The following COL11A1 variants were observed in gnomAD, a reference collection of about 807,000 sequenced individuals.
COL11A1 encodes collagen type XI alpha 1 chain.
COL11A1 carries 74 observed loss-of-function variants against 265.2 expected under a neutral mutation model. That is an observed-to-expected ratio of 0.28 (90% CI 0.23 to 0.34). COL11A1 has a LOEUF of 0.34. Among genes scored for constraint, COL11A1 ranks in the 10% least tolerant of loss-of-function variants. The probability of loss-of-function intolerance (pLI) is 1.00; values close to 1 mark genes in which losing one functional copy is unlikely to be tolerated. For synonymous variants in COL11A1, 816 were observed against 727.6 expected (o/e 1.12, Z -1.96); for missense variants, 2,165 against 2,263.6 (o/e 0.96, Z 0.88).
In COL11A1 at chr1:103,052,687, C is replaced by T. The variant is rs1318176955; in HGVS notation, c.652-21443G>A. Among the ~76,000 whole-genome samples the T allele has an allele frequency of 7.2e-5, 11 of 152,268 alleles. No homozygotes were observed. The East Asian group carries it at 2.1e-3, about 29-fold the overall frequency. On this transcript the variant is annotated intron_variant, in intron 4 of 66. Transcript: ENST00000370096. ...CTTTTGAATAACATATGCTATCTTACAGCTTTCCCAACCCTTTATTCTCCC... is the reference window on the plus strand; with the variant it reads ...CTTTTGAATAACATATGCTATCTTATAGCTTTCCCAACCCTTTATTCTCCC...
chr1:102,972,977 TG>T (rs1345587774), intron 36 of COL11A1, among the ~76,000 whole-genome samples: 1 of 152,086 alleles, frequency 6.6e-6, no homozygotes, highest in Non-Finnish European at 1.5e-5. Context: ...TATATATGTC[TG>T]TGTGAATATA....
At chr1:102,934,097 G>T (rs1052511869) in intron 46 of COL11A1, among the ~76,000 whole-genome samples, 2 of 152,140 alleles carry the variant, frequency 1.3e-5, no homozygotes, top group African/African-American at 4.8e-5. Flanking sequence ...TTCCTATTCG[G>T]CCATCTTGGC....
rs975084437 is a variant in COL11A1, at chr1:102,965,522, C to T, written c.2881G>A (p.Gly961Ser). 8 of 1,613,528 alleles carry T rather than the reference C, an allele frequency of 5.0e-6. No individual in the cohort carries two copies. Among genetic ancestry groups the T allele is most frequent in the Admixed American group, 1.7e-5 (1 of 60,014 alleles). Residue 961 changes from glycine (G) to serine (S), a missense_variant, in exon 38 of 67, where the codon GGC becomes AGC. Gly to Ser is a moderately conservative substitution (Grantham distance 56). Transcript: ENST00000370096. ...ACCACTCCCCCTGGCCCAGGAGGGC[C>T]GGTCTTGCCTTGAAATCCCTAAGGA... is the stretch of plus-strand genomic sequence containing the variant. ...RGETGFQGKT[G>S]PPGPGGVVGP...
At chr1:103,106,068 C>T (rs79559754) in intron 1 of COL11A1, among the ~76,000 whole-genome samples, 1,773 of 152,146 alleles carry the variant, frequency 0.012, 34 homozygotes, top group African/African-American at 0.041. Flanking sequence ...GTTGTTTTCC[C>T]ACCATTTATT....
rs748226378 is a variant in COL11A1, at chr1:103,082,791, T to C, written c.274+14A>G. ...TTAGTAATAATAACAATAATAATAA[T>C]AAAGTGAATATACCTGGAAATAACT... On this transcript the variant is annotated intron_variant, in intron 2 of 66. Coordinates refer to ENST00000370096, the MANE Select transcript of COL11A1 (RefSeq NM_001854.4). The C allele has an allele frequency of 6.2e-7, 1 of 1,603,788 alleles. No individual in the cohort carries two copies. The highest frequency in any genetic ancestry group is 8.5e-7 in the Non-Finnish European group (1 of 1,172,130).
chr1:102,945,409 T>C (rs191313157), intron 42 of COL11A1, among the ~76,000 whole-genome samples: 1 of 152,250 alleles, frequency 6.6e-6, no homozygotes, highest in Admixed American at 6.5e-5. Flanking sequence ...TTGTTCATTA[T>C]AAATTACCCA....
chr1:103,046,176 T>A (rs966420113), intron 4 of COL11A1, among the ~76,000 whole-genome samples: 6 of 150,008 alleles, frequency 4.0e-5, no homozygotes, highest in Non-Finnish European at 8.9e-5. Flanking sequence ...TAGTTCTAGA[T>A]CCCTGAGGAA....
intron 25 of COL11A1, among the ~76,000 whole-genome samples, chr1:102,997,992 T>C (rs566253954): frequency 6.6e-6 from 1 of 151,894 alleles, no homozygotes; most frequent in East Asian, 1.9e-4. Flanking sequence ...ATAGAAAATT[T>C]AGATCATGCA....
chr1:102,995,596 T>A (rs942408163), intron 28 of COL11A1, among the ~76,000 whole-genome samples: 6 of 149,336 alleles, frequency 4.0e-5, no homozygotes, highest in Admixed American at 3.3e-4. Context: ...TAACAAAACT[T>A]AAGCACATGT....
chr1:102,905,222 G>A (rs1176234150), intron 54 of COL11A1, among the ~76,000 whole-genome samples: 1 of 113,288 alleles, frequency 8.8e-6, no homozygotes, highest in South Asian at 3.7e-4. Flanking sequence ...AGGGACTGTT[G>A]TGGGGTGGGG....
rs542303135 is a variant in COL11A1, at chr1:102,878,547, G to T, written c.5275-382C>A. On this transcript the variant is annotated intron_variant, in intron 66 of 66. Transcript: ENST00000370096. ...TTTTTTTTTTTTGAGATGAAGTTTT[G>T]CTCTGTTGCTCAGGCTGGAGAGCAG... is the stretch of plus-strand genomic sequence containing the variant. Among the ~76,000 whole-genome samples, 434 of 78,088 alleles carry T rather than the reference G, an allele frequency of 5.6e-3. 6 individuals carry two copies. The highest frequency in any genetic ancestry group is 0.018 in the African/African-American group (417 of 22,572). 51.2% of individuals were successfully genotyped at this position (78,088 alleles called of 152,430 possible).
intron 32 of COL11A1, 99 bp downstream of exon 32, chr1:102,979,283 C>A: frequency 8.1e-7 from 1 of 1,237,882 alleles, no homozygotes; most frequent in Non-Finnish European, 1.2e-6. Context: ...AGCAATCCTC[C>A]ACCTGAGCCT....
At chr1:102,895,395 G>A (rs1676492) in intron 57 of COL11A1, among the ~76,000 whole-genome samples, 6,785 of 152,156 alleles carry the variant, frequency 0.045, 245 homozygotes, top group African/African-American at 0.091. Flanking sequence ...AAAAGGTGGG[G>A]AAAAGGGGAA....
chr1:103,053,492 C>G (rs945781258), intron 4 of COL11A1, among the ~76,000 whole-genome samples: 1 of 152,144 alleles, frequency 6.6e-6, no homozygotes, highest in Non-Finnish European at 1.5e-5. Context: ...CCTACAGAAT[C>G]ACTGAAGCTT....
chr1:102,945,648 C>G (rs577766815), intron 42 of COL11A1, among the ~76,000 whole-genome samples: 13 of 152,026 alleles, frequency 8.6e-5, no homozygotes, highest in Admixed American at 8.5e-4. Flanking sequence ...TGTATCAGAG[C>G]CAATACTTTT....
chr1:103,047,807 C>T (rs1315971367), intron 4 of COL11A1, among the ~76,000 whole-genome samples: 1 of 152,130 alleles, frequency 6.6e-6, no homozygotes, highest in Non-Finnish European at 1.5e-5. Context: ...GAGTTTTTAG[C>T]ATGAAGGGTT....
chr1:102,900,066 T>A (rs996132234), intron 54 of COL11A1, among the ~76,000 whole-genome samples: 21 of 152,214 alleles, frequency 1.4e-4, no homozygotes, highest in African/African-American at 5.1e-4. Context: ...AAAGTAAAGA[T>A]GAATAAAATG....
intron 4 of COL11A1, among the ~76,000 whole-genome samples, chr1:103,033,942 T>G (rs1027800646): frequency 1.3e-5 from 2 of 152,070 alleles, no homozygotes; most frequent in Non-Finnish European, 2.9e-5. Flanking sequence ...CTGTTTCCTT[T>G]GCATTTGAGA....
At position 102,920,163 on chromosome 1, in the gene COL11A1, A is replaced by G. The variant is rs1397753766; in HGVS notation, c.3762+148T>C. ...ATATTGCAAAATCATTTTAACTTTA[A>G]TTTTTGCAACTACTAGATGACATGT... On this transcript the variant is annotated intron_variant, in intron 49 of 66. Transcript: ENST00000370096. The G allele has an allele frequency of 5.1e-6, 4 of 788,912 alleles. No individual in the cohort carries two copies. The Admixed American group carries it at 7.7e-5, about 15-fold the overall frequency. The allele number at this position is 788,912 out of a possible 1,614,324, so 48.9% of individuals were successfully genotyped here.
Sources: allele counts gnomAD v4.1 joint callset (sites outside exome capture counted in the v4.1 genomes callset), GRCh38; gene constraint gnomAD v4.1.1; transcripts MANE v1.5; gene names NCBI Gene and HGNC (gene_info 2026-07-23, HGNC 2026-07-21).